Variants in PCDHA2 observed in about 807,000 individuals in gnomAD.
The protein encoded by PCDHA2 is protocadherin alpha-2.
PCDHA2 carries 58 observed loss-of-function variants against 66.0 expected under a neutral mutation model. That is an observed-to-expected ratio of 0.88 (90% CI 0.71 to 1.09). PCDHA2 has a LOEUF of 1.09. Ranked by LOEUF, PCDHA2 falls within the 50% of genes least tolerant of loss-of-function variation. The pLI is 0.00. For synonymous variants in PCDHA2, 634 were observed against 554.0 expected, an observed-to-expected ratio of 1.14 and a Z score of -2.03; for missense variants, 1,267 against 1,242.3, an observed-to-expected ratio of 1.02 and a Z score of -0.30.
intron 1 of PCDHA2, chr5:140,822,319 A>C: frequency 6.2e-7 from 1 of 1,614,204 alleles, no homozygotes; most frequent in Non-Finnish European, 8.5e-7. Flanking sequence ...CTTAGATGTT[A>C]AAACAAATGA....
chr5:140,908,919 G>A (rs781892541), intron 1 of PCDHA2, among the ~76,000 whole-genome samples: 1 of 152,158 alleles, frequency 6.6e-6, no homozygotes, highest in Non-Finnish European at 1.5e-5. Context: ...TGTAGGAGGG[G>A]CCAAATGCAG....
chr5:140,828,242 G>A (rs1769642042), intron 1 of PCDHA2: 1 of 1,613,964 alleles, frequency 6.2e-7, no homozygotes, highest in Non-Finnish European at 8.5e-7. Flanking sequence ...GATCGCGCAG[G>A]ACCTGGGGCT....
chr5:140,796,937 C>A lies in PCDHA2; in HGVS notation c.1973C>A (p.Ala658Glu). The change falls in exon 1 of 4, where the codon GCG becomes GAG. Residue 658 changes from alanine to glutamate, a missense_variant. By Grantham distance (107) the Ala-to-Glu change is moderately radical (BLOSUM62 -1). Transcript: ENST00000526136. The stretch of plus-strand genomic sequence containing the variant: ...CTGGTGAAGGACCACGGCGAACCAG[C>A]GTTGACAGCCACGGCCACCGTGTTA... Reference protein sequence around the residue: ...LVLVKDHGEPALTATATVLVS... With the variant: ...LVLVKDHGEPELTATATVLVS... 1 of 1,613,834 alleles carries A rather than the reference C, an allele frequency of 6.2e-7. No individual in the cohort carries two copies. The highest frequency in any genetic ancestry group is 2.2e-5 in the East Asian group (1 of 44,864).
intron 1 of PCDHA2, among the ~76,000 whole-genome samples, chr5:140,973,377 G>T (rs1176312664): frequency 1.3e-5 from 2 of 152,208 alleles, no homozygotes; most frequent in Non-Finnish European, 2.9e-5. Context: ...ACAATGGTCA[G>T]AATAGACAAA....
intron 1 of PCDHA2, chr5:140,825,461 A>T (rs1460892772): frequency 6.7e-6 from 1 of 149,438 alleles, no homozygotes; most frequent in Non-Finnish European, 1.5e-5. Context: ...AGATATTTTG[A>T]TACAGAATTT....
At chr5:140,834,364 A>G (rs2150215760) in intron 1 of PCDHA2, 1 of 1,553,394 alleles carries the variant, frequency 6.4e-7, no homozygotes, top group Non-Finnish European at 8.7e-7. Context: ...CTGACTAGAA[A>G]AACAAGCCAA....
At chr5:140,834,987 A>G in intron 1 of PCDHA2, 1 of 1,457,052 alleles carries the variant, frequency 6.9e-7, no homozygotes, top group Non-Finnish European at 9.3e-7. Flanking sequence ...ACTTTTAGAC[A>G]GAGAAGAAAC....
At chr5:140,920,889 T>G (rs1488579126) in intron 1 of PCDHA2, among the ~76,000 whole-genome samples, 2 of 150,044 alleles carry the variant, frequency 1.3e-5, no homozygotes, top group African/African-American at 4.9e-5. Context: ...GAACTTAAAG[T>G]CATATTTTGG....
intron 1 of PCDHA2, chr5:140,869,468 A>T (rs1221686748): frequency 1.9e-5 from 31 of 1,614,054 alleles, no homozygotes; most frequent in Non-Finnish European, 2.6e-5. Flanking sequence ...GTGAACGTGG[A>T]GGTGAAGGAC....
intron 1 of PCDHA2, chr5:140,884,052 G>A (rs200938440): frequency 8.7e-6 from 14 of 1,613,472 alleles, no homozygotes; most frequent in African/African-American, 4.0e-5. Context: ...GCGAAGGTGC[G>A]CGCGGTGGAC....
rs745800805 is a variant in PCDHA2, at chr5:140,935,890, T to C, written c.2389-43059T>C. 2.5e-4 allele frequency among the ~76,000 whole-genome samples: 34 copies of C among 135,750 alleles called. 1 individual carries two copies. Among genetic ancestry groups the C allele is most frequent in the Non-Finnish European group, 4.4e-4 (27 of 61,954 alleles). 89.1% of individuals were successfully genotyped at this position (135,750 alleles called of 152,430 possible). A position where few individuals can be genotyped will look rare whatever the true frequency, so the allele number is the denominator to read the frequency against. On this transcript the variant is annotated intron_variant, in intron 1 of 3. Coordinates refer to ENST00000526136, the MANE Select transcript of PCDHA2 (RefSeq NM_018905.3). ...ATTAATGAGCTCCAATTTATCAATA[T>C]TATCTTTTTTTTTTTTTTTTGAGAC...
At chr5:140,870,849 G>A (rs2052464243) in intron 1 of PCDHA2, 2 of 1,613,878 alleles carry the variant, frequency 1.2e-6, no homozygotes, top group Non-Finnish European at 1.7e-6. Context: ...TAGTACCGCG[G>A]TCGGTGGGTG....
rs2150126573 is a variant in PCDHA2 at position 140,823,520 on chromosome 5, G to A, written c.2388+26168G>A. 10 of 1,613,572 alleles carry A rather than the reference G, an allele frequency of 6.2e-6. No homozygotes were observed. The East Asian group carries it at 2.2e-4, about 36-fold the overall frequency. On this transcript the variant is annotated intron_variant, in intron 1 of 3. Coordinates refer to ENST00000526136, the MANE Select transcript of PCDHA2 (RefSeq NM_018905.3). Reference sequence around the variant, plus strand: ...GGCGCAGTGAGCGAGCTGGTGCCGAGGTCAGTGGGTGCGGGCCACGTGGTG... The same window carrying A: ...GGCGCAGTGAGCGAGCTGGTGCCGAAGTCAGTGGGTGCGGGCCACGTGGTG...
At chr5:140,823,478 GA>G in intron 1 of PCDHA2, 2 of 1,613,472 alleles carry the variant, frequency 1.2e-6, no homozygotes, top group East Asian at 4.5e-5. Context: ...CTGGTGCCTC[GA>G]GTGGGTGGCA....
chr5:140,920,728 C>T (rs781955762), intron 1 of PCDHA2, among the ~76,000 whole-genome samples: 8 of 151,974 alleles, frequency 5.3e-5, no homozygotes, highest in Non-Finnish European at 1.0e-4. Context: ...CCTGCAGTCC[C>T]AGCTACTCAG....
intron 1 of PCDHA2, chr5:140,822,238 G>A: frequency 6.2e-7 from 1 of 1,614,216 alleles, no homozygotes; most frequent in South Asian, 1.1e-5. Flanking sequence ...TCCGCTAGAG[G>A]GCGCGTCGGA....
At chr5:140,849,773 C>G in intron 1 of PCDHA2, 1 of 1,598,418 alleles carries the variant, frequency 6.3e-7, no homozygotes, top group Non-Finnish European at 8.6e-7. Context: ...TGGTGGTTAC[C>G]GCGCGGGACG....
intron 2 of PCDHA2, among the ~76,000 whole-genome samples, chr5:140,980,556 G>A (rs1355966555): frequency 6.6e-6 from 1 of 152,126 alleles, no homozygotes; most frequent in Non-Finnish European, 1.5e-5. Flanking sequence ...CTTGAACCCG[G>A]GAGGCGGAAG....
At chr5:140,979,912 G>C (rs1554241237) in intron 2 of PCDHA2, among the ~76,000 whole-genome samples, 2 of 152,248 alleles carry the variant, frequency 1.3e-5, no homozygotes, top group South Asian at 2.1e-4. Flanking sequence ...AGTTCGTAAA[G>C]AGAAAGCCTA....
Sources: gnomAD v4.1 joint callset for allele counts (sites outside exome capture counted in the v4.1 genomes callset) on GRCh38, gnomAD v4.1.1 for gene constraint, MANE v1.5 for transcripts, NCBI Gene and HGNC (gene_info 2026-07-23, HGNC 2026-07-21) for gene names.